The following DOCK3 variants were observed in gnomAD, a reference collection of about 807,000 sequenced individuals.
DOCK3 encodes dedicator of cytokinesis protein 3.
A neutral mutation model predicts 265.6 loss-of-function variants in DOCK3; 60 were observed. The observed-to-expected ratio is 0.23, with a 90% CI of 0.18 to 0.28. The LOEUF is 0.28. Among genes scored for constraint, DOCK3 ranks in the 10% least tolerant of loss-of-function variants. The pLI is 1.00. For missense variants in DOCK3, 1,981 were observed against 2,594.3 expected (o/e 0.76, Z 5.14); for synonymous variants, 881 against 938.0 (o/e 0.94, Z 1.11).
In DOCK3 at chr3:51,280,098, G is replaced by T. The variant is rs1243572443; in HGVS notation, c.2824-8G>T. On this transcript the variant is annotated splice_polypyrimidine_tract_variant and splice_region_variant and intron_variant, in intron 26 of 52. Transcript: ENST00000266037. The stretch of plus-strand genomic sequence containing the variant: ...CCATGCTAAGTGTTTTTTTGGGTTG[G>T]TCCCTAGGGCGAGTATGTGTCCTGC... 2.5e-6 allele frequency: 4 copies of T among 1,612,180 alleles called. No homozygotes were observed. The South Asian group carries it at 4.4e-5, about 18-fold the overall frequency.
At position 51,381,400 on chromosome 3, in the gene DOCK3, C is replaced by G; in HGVS notation, c.5934C>G (p.Tyr1978Ter). ...MDPPALPPKP[Y>*]HPRLPALEHD... The stretch of plus-strand genomic sequence containing the variant: ...CGCCTGCGCTGCCGCCCAAGCCCTA[C>G]CACCCCCGCCTGCCGGCCCTGGAGC... The change falls in exon 53 of 53, where the codon TAC becomes TAG. Residue 1978 changes from tyrosine to a stop codon, truncating the protein, a stop_gained. Coordinates refer to ENST00000266037, the MANE Select transcript of DOCK3 (RefSeq NM_004947.5). LOFTEE classifies it high-confidence loss of function. This position sits in a 1 kb window ranked among gnomAD's most constrained non-coding sequence, Gnocchi z 5.6. 6.2e-7 allele frequency: 1 copy of G among 1,612,418 alleles called. No individual in the cohort carries two copies. Among genetic ancestry groups the G allele is most frequent in the Non-Finnish European group, 8.5e-7 (1 of 1,179,708 alleles).
At chr3:51,207,217 A>G (rs374318993) in intron 12 of DOCK3, among the ~76,000 whole-genome samples, 1 of 152,184 alleles carries the variant, frequency 6.6e-6, no homozygotes, top group Non-Finnish European at 1.5e-5. Context: ...TCAGTTGTCT[A>G]GCAAATGAAT....
At chr3:51,241,680 G>A (rs985669224) in intron 21 of DOCK3, among the ~76,000 whole-genome samples, 1 of 152,106 alleles carries the variant, frequency 6.6e-6, no homozygotes, top group Non-Finnish European at 1.5e-5. Context: ...CAGTCTTCAA[G>A]CTCTGAGATT....
intron 1 of DOCK3, among the ~76,000 whole-genome samples, chr3:50,741,336 C>A (rs940499682): frequency 4.6e-5 from 7 of 151,248 alleles, no homozygotes; most frequent in African/African-American, 1.7e-4. Flanking sequence ...AGATTAGTTA[C>A]ATATGTATAC....
chr3:51,212,941 T>G (rs1007051618), intron 13 of DOCK3, among the ~76,000 whole-genome samples: 1 of 152,044 alleles, frequency 6.6e-6, no homozygotes, highest in Non-Finnish European at 1.5e-5. Flanking sequence ...CAGGCTCTAG[T>G]AGAACCGTAT....
chr3:50,799,745 T>C (rs1047797135), intron 2 of DOCK3, among the ~76,000 whole-genome samples: 3 of 152,182 alleles, frequency 2.0e-5, no homozygotes, highest in African/African-American at 7.2e-5. Flanking sequence ...TAGTGCTATG[T>C]TGAATAAGAG....
intron 19 of DOCK3, among the ~76,000 whole-genome samples, chr3:51,235,436 A>G (rs1313570808): frequency 6.6e-6 from 1 of 152,216 alleles, no homozygotes; most frequent in Non-Finnish European, 1.5e-5. Context: ...CTAGAAGACA[A>G]TGTAAAGAGA....
intron 9 of DOCK3, among the ~76,000 whole-genome samples, chr3:51,135,267 C>T (rs1576196804): frequency 6.6e-6 from 1 of 152,186 alleles, no homozygotes; most frequent in Admixed American, 6.5e-5. Context: ...AAATATATCT[C>T]ACATCCATTC....
intron 12 of DOCK3, among the ~76,000 whole-genome samples, chr3:51,180,148 C>T (rs773546183): frequency 3.6e-5 from 5 of 138,956 alleles, no homozygotes; most frequent in South Asian, 2.4e-4. Flanking sequence ...GCAGAGGTTG[C>T]AGTGAGCCGA....
chr3:50,831,691 T>C (rs913471060), intron 2 of DOCK3, among the ~76,000 whole-genome samples: 3 of 152,178 alleles, frequency 2.0e-5, no homozygotes, highest in South Asian at 2.1e-4. Context: ...AATAAACATA[T>C]GTGTGCATGC....
chr3:50,682,322 G>A (rs1048828058), intron 1 of DOCK3, among the ~76,000 whole-genome samples: 2 of 152,124 alleles, frequency 1.3e-5, no homozygotes, highest in Non-Finnish European at 2.9e-5. Flanking sequence ...AACTAGTGCC[G>A]CCATGTCCCA....
At chr3:51,036,860 C>A (rs1456310245) in intron 5 of DOCK3, among the ~76,000 whole-genome samples, 1 of 152,214 alleles carries the variant, frequency 6.6e-6, no homozygotes, top group Non-Finnish European at 1.5e-5. Context: ...ATCTCGAGAT[C>A]TGATGGTTTT....
chr3:51,169,104 G>A (rs1323956325), intron 12 of DOCK3, among the ~76,000 whole-genome samples: 1 of 152,210 alleles, frequency 6.6e-6, no homozygotes, highest in East Asian at 1.9e-4. Flanking sequence ...TGGTGAAGTT[G>A]CAGAGAAGAG....
intron 9 of DOCK3, among the ~76,000 whole-genome samples, chr3:51,113,578 C>G (rs918447302): frequency 1.3e-5 from 2 of 152,170 alleles, no homozygotes; most frequent in Admixed American, 6.5e-5. Context: ...GACTATAAAT[C>G]AGACAGACTT....
chr3:50,716,828 A>G (rs1385337503), intron 1 of DOCK3, among the ~76,000 whole-genome samples: 1 of 152,050 alleles, frequency 6.6e-6, no homozygotes, highest in Non-Finnish European at 1.5e-5. Context: ...AGGCTTAAAA[A>G]TCCCATGATA....
At chr3:50,930,006 A>G (rs543963957) in intron 4 of DOCK3, among the ~76,000 whole-genome samples, 16 of 152,184 alleles carry the variant, frequency 1.1e-4, no homozygotes, top group Non-Finnish European at 1.8e-4. Context: ...CTTACTTCCA[A>G]TGAGGAAGGC....
intron 2 of DOCK3, among the ~76,000 whole-genome samples, chr3:50,802,343 A>T (rs2043116503): frequency 6.6e-6 from 1 of 152,024 alleles, no homozygotes; most frequent in South Asian, 2.1e-4. Flanking sequence ...TTGTTTGTGT[A>T]TGAGTCCTAC....
At chr3:50,690,617 GTTCGTTCGTTCATTCATTCA>G (rs1559516798) in intron 1 of DOCK3, among the ~76,000 whole-genome samples, 1 of 151,370 alleles carries the variant, frequency 6.6e-6, no homozygotes, top group Non-Finnish European at 1.5e-5. Flanking sequence ...TCATTCATTC[GTTCGTTCGTTCATTCATTCA>G]TTCATTCATT....
intron 35 of DOCK3, chr3:51,336,935 C>G (rs2084914608): frequency 4.4e-6 from 2 of 455,128 alleles, no homozygotes; most frequent in Non-Finnish European, 8.8e-6. Context: ...ACTGGGGAGA[C>G]AGATGCCTTC....
Sources: allele counts gnomAD v4.1 joint callset (sites outside exome capture counted in the v4.1 genomes callset), GRCh38; gene constraint gnomAD v4.1.1; non-coding constraint Gnocchi (gnomAD v3.1); transcripts MANE v1.5; gene names NCBI Gene and HGNC (gene_info 2026-07-23, HGNC 2026-07-21).